TMEM45B: variants seen among roughly 807,000 people sequenced by gnomAD.
The protein encoded by TMEM45B is transmembrane protein 45B.
A neutral mutation model predicts 27.3 loss-of-function variants in TMEM45B; 29 were observed. That is an observed-to-expected ratio of 1.06 (90% CI 0.79 to 1.45). TMEM45B has a LOEUF of 1.45. Among genes scored for constraint, TMEM45B ranks in the 40% most tolerant of loss-of-function variants. The pLI is 0.00. For synonymous variants in TMEM45B, 143 were observed against 134.7 expected, an observed-to-expected ratio of 1.06 and a Z score of -0.43; for missense variants, 348 against 343.9, an observed-to-expected ratio of 1.01 and a Z score of -0.09.
intron 1 of TMEM45B, among the ~76,000 whole-genome samples, chr11:129,842,240 TAAAG>T (rs1019913697): frequency 6.6e-6 from 1 of 151,794 alleles, no homozygotes; most frequent in African/African-American, 2.4e-5. Context: ...GAGAAAAAAA[TAAAG>T]AAGTAATAGC....
intron 3 of TMEM45B, 104 bp from the exon 4 acceptor site, chr11:129,855,604 C>G (rs568573249): frequency 1.2e-5 from 13 of 1,125,152 alleles, no homozygotes; most frequent in Admixed American, 1.8e-5. Context: ...TATGTACTAA[C>G]TGCCTAAATG....
At chr11:129,854,889 T>C in intron 3 of TMEM45B, 73 bp downstream of exon 3, 1 of 1,546,910 alleles carries the variant, frequency 6.5e-7, no homozygotes, top group Non-Finnish European at 8.8e-7. Flanking sequence ...GAGTACAAAA[T>C]ATCAGAAATG....
intron 1 of TMEM45B, among the ~76,000 whole-genome samples, chr11:129,837,037 A>G (rs1223171191): frequency 6.6e-6 from 1 of 151,972 alleles, no homozygotes; most frequent in East Asian, 1.9e-4. Context: ...CACAACCAAG[A>G]CCCCTGTGGC....
intron 1 of TMEM45B, among the ~76,000 whole-genome samples, chr11:129,837,584 G>GTTTTTTTTTTTTT (rs1387294363): frequency 2.9e-5 from 1 of 34,954 alleles, no homozygotes; most frequent in Admixed American, 4.7e-4. Context: ...ACTGCACTGG[G>GTTTTTTTTTTTTT]CTTTTTTTTT....
intron 1 of TMEM45B, among the ~76,000 whole-genome samples, chr11:129,816,711 A>G (rs1324779419): frequency 1.3e-5 from 2 of 150,848 alleles, no homozygotes; most frequent in East Asian, 3.9e-4. Flanking sequence ...GCTCTCCTAA[A>G]AGTTGCAGAA....
At chr11:129,856,009 T>A (rs913438674) in intron 4 of TMEM45B, 117 bp downstream of exon 4, 3 of 1,228,316 alleles carry the variant, frequency 2.4e-6, no homozygotes, top group Admixed American at 2.2e-5. Flanking sequence ...TAACATGCCA[T>A]GCAAAGGGGT....
At chr11:129,848,309 G>C (rs1003610533) in intron 1 of TMEM45B, among the ~76,000 whole-genome samples, 4 of 152,168 alleles carry the variant, frequency 2.6e-5, no homozygotes, top group Non-Finnish European at 4.4e-5. Flanking sequence ...TTAGGAGCTG[G>C]AGACCAGCCC....
In TMEM45B at chr11:129,846,691, T is replaced by C. The variant is rs541877230; in HGVS notation, c.-8-5784T>C. ...AAAAAAATCAGTCTGCAATATCAGATGGTGATTCATACTTTACAGAAAAGT... is the reference window on the plus strand; with the variant it reads ...AAAAAAATCAGTCTGCAATATCAGACGGTGATTCATACTTTACAGAAAAGT... On this transcript the variant is annotated intron_variant, in intron 1 of 5. Coordinates refer to ENST00000281441, the MANE Select transcript of TMEM45B (RefSeq NM_138788.5). 4.6e-5 allele frequency among the ~76,000 whole-genome samples: 7 copies of C among 152,232 alleles called. No homozygotes were observed. The South Asian group carries it at 1.5e-3, about 32-fold the overall frequency.
intron 1 of TMEM45B, among the ~76,000 whole-genome samples, chr11:129,825,625 CG>C (rs140047545): frequency 0.1 from 15,911 of 151,994 alleles, 859 homozygotes; most frequent in Admixed American, 0.12. Flanking sequence ...GAAGAGGAAA[CG>C]GAAGTAAGGG....
chr11:129,817,337 G>C (rs1021271048), intron 1 of TMEM45B, among the ~76,000 whole-genome samples: 4 of 152,190 alleles, frequency 2.6e-5, no homozygotes, highest in African/African-American at 9.7e-5. Context: ...GCCCAGGGGC[G>C]TCAGACTTAG....
intron 1 of TMEM45B, among the ~76,000 whole-genome samples, chr11:129,816,563 G>C (rs947531450): frequency 6.6e-6 from 1 of 152,034 alleles, no homozygotes; most frequent in African/African-American, 2.4e-5. Flanking sequence ...GAAATTTGCG[G>C]GGGTGGCCCT....
chr11:129,828,481 T>G (rs575346764), intron 1 of TMEM45B, among the ~76,000 whole-genome samples: 4 of 152,154 alleles, frequency 2.6e-5, no homozygotes, highest in African/African-American at 4.8e-5. Context: ...CGTGACTTAG[T>G]TGAAGTTCAG....
chr11:129,849,760 G>A (rs1224096575), intron 1 of TMEM45B, among the ~76,000 whole-genome samples: 1 of 152,160 alleles, frequency 6.6e-6, no homozygotes, highest in Non-Finnish European at 1.5e-5. Flanking sequence ...GGGGAGCAGA[G>A]ACCTGAGGTG....
At chr11:129,833,808 A>G (rs941518787) in intron 1 of TMEM45B, among the ~76,000 whole-genome samples, 5 of 152,156 alleles carry the variant, frequency 3.3e-5, no homozygotes, top group Admixed American at 3.3e-4. Context: ...ACAGACACAC[A>G]CCGAAAGAAG....
intron 1 of TMEM45B, among the ~76,000 whole-genome samples, chr11:129,841,106 AG>A (rs1404113721): frequency 6.6e-6 from 1 of 151,510 alleles, no homozygotes; most frequent in Non-Finnish European, 1.5e-5. Context: ...CTAGATCTTC[AG>A]GCAAGTAGGA....
chr11:129,840,989 A>G (rs1213913332), intron 1 of TMEM45B, among the ~76,000 whole-genome samples: 2 of 151,544 alleles, frequency 1.3e-5, no homozygotes, highest in East Asian at 1.9e-4. Flanking sequence ...CAACCAAAAA[A>G]TATATAAAAC....
rs375683051 is a variant in TMEM45B, at chr11:129,856,027, A to T, written c.570+135A>T. 1.2e-4 allele frequency: 119 copies of T among 1,032,272 alleles called. No homozygotes were observed. The African/African-American group carries it at 1.7e-3, about 15-fold the overall frequency. 63.9% of individuals were successfully genotyped at this position (1,032,272 alleles called of 1,614,324 possible). ...CATGCCATGCAAAGGGGTTTAGATGACCCTTTTCCCCCCATGCCCGCCCTT... is the reference window on the plus strand; with the variant it reads ...CATGCCATGCAAAGGGGTTTAGATGTCCCTTTTCCCCCCATGCCCGCCCTT... On this transcript the variant is annotated intron_variant, in intron 4 of 5. Coordinates refer to ENST00000281441, the MANE Select transcript of TMEM45B (RefSeq NM_138788.5).
At chr11:129,854,501 C>A (rs530764496) in intron 2 of TMEM45B, 109 bp from the exon 3 acceptor site, 5 of 1,132,846 alleles carry the variant, frequency 4.4e-6, no homozygotes, top group Admixed American at 2.0e-5. Context: ...CGCGGGCCAC[C>A]CTCACCTCAC....
intron 1 of TMEM45B, among the ~76,000 whole-genome samples, chr11:129,836,097 G>A (rs1429924801): frequency 2.0e-5 from 3 of 151,968 alleles, no homozygotes; most frequent in Non-Finnish European, 4.4e-5. Context: ...CAGCCTGGGC[G>A]ACAAGGGTGA....
Sources: gnomAD v4.1 joint callset for allele counts (sites outside exome capture counted in the v4.1 genomes callset) on GRCh38, gnomAD v4.1.1 for gene constraint, MANE v1.5 for transcripts, NCBI Gene and HGNC (gene_info 2026-07-23, HGNC 2026-07-21) for gene names.